Variants in DRC10 observed in about 807,000 individuals in gnomAD.
The protein encoded by DRC10 is IQ domain-containing protein D.
At chr12:113,221,038 C>G in the DRC10 span, 4 of 401,652 alleles carry the variant, frequency 1.0e-5, no homozygotes, top group Admixed American at 5.3e-5. Context: ...CAGTTACCGC[C>G]GCGGTCCCTG....
the DRC10 span, among the ~76,000 whole-genome samples, chr12:113,196,536 T>G: frequency 1.3e-5 from 2 of 152,204 alleles, no homozygotes; most frequent in East Asian, 1.9e-4. Flanking sequence ...ACAAAGTCCC[T>G]GCCCGCAACC....
chr12:113,207,308 A>G, the DRC10 span: 1 of 804,676 alleles, frequency 1.2e-6, no homozygotes, highest in Non-Finnish European at 2.2e-6. Flanking sequence ...AGATTACACC[A>G]CTGCACTCTA....
At chr12:113,219,793 C>CTTATTTAT in the DRC10 span, among the ~76,000 whole-genome samples, 460 of 151,500 alleles carry the variant, frequency 3.0e-3, 3 homozygotes, top group African/African-American at 5.0e-3. Flanking sequence ...CCACCTCAGC[C>CTTATTTAT]TTATTTATTT....
the DRC10 span, chr12:113,207,066 ATCAG>A: frequency 1.1e-5 from 4 of 355,498 alleles, no homozygotes; most frequent in East Asian, 7.4e-5. Flanking sequence ...TCTCAAAAAA[ATCAG>A]TCAATCAATT....
chr12:113,198,198 CAG>C, the DRC10 span, among the ~76,000 whole-genome samples: 1 of 151,900 alleles, frequency 6.6e-6, no homozygotes, highest in Non-Finnish European at 1.5e-5. Context: ...GCCTGGGTGA[CAG>C]AGCAAGACTG....
At chr12:113,204,714 G>A in the DRC10 span, among the ~76,000 whole-genome samples, 3 of 152,136 alleles carry the variant, frequency 2.0e-5, no homozygotes, top group East Asian at 3.9e-4. Flanking sequence ...GATCACTTGA[G>A]ACCAGGAATT....
At chr12:113,197,485 A>G in the DRC10 span, 3 of 1,239,272 alleles carry the variant, frequency 2.4e-6, no homozygotes, top group Admixed American at 4.0e-5. Context: ...CATTCATCCC[A>G]TTCCTAGAAG....
the DRC10 span, among the ~76,000 whole-genome samples, chr12:113,201,387 G>A: frequency 2.0e-5 from 3 of 152,326 alleles, no homozygotes; most frequent in African/African-American, 7.2e-5. Flanking sequence ...TTGAGCCCAC[G>A]TTCTTGGCCA....
chr12:113,217,011 C>T, the DRC10 span, among the ~76,000 whole-genome samples: 1 of 152,266 alleles, frequency 6.6e-6, no homozygotes, highest in South Asian at 2.1e-4. Context: ...ATCGCTTGAA[C>T]CCAAGAGGCG....
the DRC10 span, chr12:113,207,278 G>A: frequency 1.4e-6 from 1 of 717,748 alleles, no homozygotes; most frequent in Non-Finnish European, 2.5e-6. Flanking sequence ...AACCTGGGAG[G>A]CAGAGGTTGC....
chr12:113,220,641 T>C, the DRC10 span, among the ~76,000 whole-genome samples: 1 of 152,202 alleles, frequency 6.6e-6, no homozygotes, highest in Admixed American at 6.5e-5. Context: ...GAGGAACGTA[T>C]GGCCGTTGGG....
chr12:113,220,574 AAAAC>A, the DRC10 span, among the ~76,000 whole-genome samples: 1 of 152,166 alleles, frequency 6.6e-6, no homozygotes, highest in South Asian at 2.1e-4. Flanking sequence ...CAACAACAAC[AAAAC>A]AAACAAACAA....
chr12:113,213,029 T>A, the DRC10 span, among the ~76,000 whole-genome samples: 12 of 152,228 alleles, frequency 7.9e-5, 1 homozygote, highest in East Asian at 2.1e-3. Context: ...GTTGGATATT[T>A]TATTAATTTT....
chr12:113,208,124 G>C, the DRC10 span: 3 of 1,614,160 alleles, frequency 1.9e-6, no homozygotes, highest in Admixed American at 5.0e-5. Flanking sequence ...TTGATGGCAG[G>C]GGCCTGATAC....
the DRC10 span, chr12:113,207,490 A>T: frequency 6.2e-7 from 1 of 1,614,024 alleles, no homozygotes; most frequent in Non-Finnish European, 8.5e-7. Context: ...AAGAGTATCA[A>T]TGATTTGTTG....
chr12:113,197,639 T>C, the DRC10 span: 1 of 1,399,988 alleles, frequency 7.1e-7, no homozygotes, highest in South Asian at 1.2e-5. Context: ...TTGTCATTGT[T>C]TGATGGAATA....
the DRC10 span, chr12:113,207,548 C>A: frequency 6.2e-7 from 1 of 1,614,066 alleles, no homozygotes; most frequent in Non-Finnish European, 8.5e-7. Context: ...TGGGCCTTAT[C>A]CCTCGCTTCC....
the DRC10 span, chr12:113,195,999 CTA>C: frequency 1.4e-6 from 2 of 1,425,988 alleles, no homozygotes; most frequent in African/African-American, 2.9e-5. Context: ...AGCGATGCCC[CTA>C]AGCTAAGCTG....
the DRC10 span, among the ~76,000 whole-genome samples, chr12:113,196,380 G>A: frequency 1.3e-5 from 2 of 152,150 alleles, no homozygotes; most frequent in Non-Finnish European, 2.9e-5. Context: ...AACTTTCTCA[G>A]GCCTCAAACG....
Sources: allele counts gnomAD v4.1 joint callset (sites outside exome capture counted in the v4.1 genomes callset), GRCh38; gene constraint gnomAD v4.1.1; transcripts MANE v1.5; gene names NCBI Gene and HGNC (gene_info 2026-07-23, HGNC 2026-07-21).